Variants in SLC43A3 observed in about 807,000 individuals in gnomAD.
SLC43A3 encodes the protein equilibrative nucleobase transporter 1.
Under a neutral mutation model 53.3 loss-of-function variants are expected in SLC43A3, and 33 were observed. That is an observed-to-expected ratio of 0.62 (90% CI 0.47 to 0.83). The LOEUF (loss-of-function observed/expected upper bound fraction) is 0.83. SLC43A3 is among the 40% of genes least tolerant of loss of function. SLC43A3 has a pLI of 0.00. For synonymous variants in SLC43A3, 236 were observed against 246.2 expected (o/e 0.96, Z 0.39); for missense variants, 530 against 610.0 (o/e 0.87, Z 1.38).
chr11:57,410,026 G>A lies in SLC43A3; in HGVS notation c.1156C>T (p.Pro386Ser), dbSNP rs747698102. 1.9e-6 allele frequency: 3 copies of A among 1,613,262 alleles called. No individual in the cohort carries two copies. The highest frequency in any genetic ancestry group is 1.1e-5 in the South Asian group (1 of 90,604). The change falls in exon 12 of 14, where the codon CCC becomes TCC. Residue 386 changes from proline (P) to serine (S), a missense_variant. Transcript: ENST00000395124. ...CLGFALCASVPILPLQYLTFI... is the reference protein window; with the variant it reads ...CLGFALCASVSILPLQYLTFI... ...GTGAGGTACTGGAGAGGGAGGATGG[G>A]GACTGAGGCACAGAGGGCGAAGCCC...
In SLC43A3 at chr11:57,426,358, G is replaced by GA. The variant is rs1428278220; in HGVS notation, c.-180-7dup. The GA allele has an allele frequency of 1.7e-6, 1 of 600,012 alleles. No homozygotes were observed. The highest frequency in any genetic ancestry group is 2.9e-6 in the Non-Finnish European group (1 of 340,646). The allele number at this position is 600,012 out of a possible 1,614,324, so 37.2% of individuals were successfully genotyped here. On this transcript the variant is annotated splice_polypyrimidine_tract_variant and splice_region_variant and intron_variant, in intron 2 of 13. Coordinates refer to ENST00000395124, the MANE Select transcript of SLC43A3 (RefSeq NM_199329.3). ...AGCGGGTGATTCTCTGGATCCTGTA[G>GA]AATAAAGATAGAGGCTGCTGGAAGA...
intron 11 of SLC43A3, among the ~76,000 whole-genome samples, chr11:57,411,101 A>T (rs1290667532): frequency 6.6e-6 from 1 of 152,174 alleles, no homozygotes; most frequent in African/African-American, 2.4e-5. Flanking sequence ...TTAAAAAAAT[A>T]AAAATGGTTA....
intron 5 of SLC43A3, chr11:57,423,770 C>A (rs1483376060): frequency 5.6e-6 from 3 of 537,672 alleles, no homozygotes; most frequent in African/African-American, 3.8e-5. Flanking sequence ...CTGAAGTAAT[C>A]CCTCTCCATC....
intron 7 of SLC43A3, among the ~76,000 whole-genome samples, chr11:57,418,356 G>C (rs896460450): frequency 2.0e-5 from 3 of 151,870 alleles, no homozygotes; most frequent in African/African-American, 7.3e-5. Flanking sequence ...AAAAAGGAAA[G>C]GAAAGAAATT....
At position 57,407,593 on chromosome 11, in the gene SLC43A3, CTG is replaced by C. The variant is rs1326921981; in HGVS notation, c.*197_*198del. ...AGTTCCACATGCCTTTGCTTTGAGT[CTG>C]TGTGATATCAATCTGCTTGGCAACT... On this transcript the variant is annotated 3_prime_UTR_variant, in exon 14 of 14. Transcript: ENST00000395124. 5.5e-6 allele frequency: 3 copies of C among 542,482 alleles called. No individual in the cohort carries two copies. Among genetic ancestry groups the C allele is most frequent in the African/African-American group, 1.9e-5 (1 of 52,636 alleles). 33.6% of individuals were successfully genotyped at this position (542,482 alleles called of 1,614,324 possible).
rs768446977 is a variant in SLC43A3, at chr11:57,416,640, T to C, written c.702A>G (p.Glu234=). ...GLCPGNGTTK[E]EKETAEHENR... Reference sequence around the variant, plus strand: ...TTTCATGCTCAGCTGTTTCCTTCTCTTCCTTTGTGGTGCCATTCCCAGGGC... The same window carrying C: ...TTTCATGCTCAGCTGTTTCCTTCTCCTCCTTTGTGGTGCCATTCCCAGGGC... Residue 234 remains glutamate, a synonymous_variant, in exon 9 of 14, where the codon GAA becomes GAG. Transcript: ENST00000395124. The C allele has an allele frequency of 1.2e-5, 20 of 1,614,132 alleles. No individual in the cohort carries two copies. Among genetic ancestry groups the C allele is most frequent in the Non-Finnish European group, 1.7e-5 (20 of 1,179,998 alleles).
Position 57,423,974 on chromosome 11 carries a change from G to A in SLC43A3, c.361+8C>T, listed in dbSNP as rs377640071. The A allele has an allele frequency of 2.1e-5, 34 of 1,613,876 alleles. No homozygotes were observed. The African/African-American group carries it at 3.9e-4, about 18-fold the overall frequency. On this transcript the variant is annotated splice_region_variant and intron_variant, in intron 5 of 13. Coordinates refer to ENST00000395124, the MANE Select transcript of SLC43A3 (RefSeq NM_199329.3). Reference sequence around the variant, plus strand: ...TTGCATCCCTCCCACCCACCTGACAGCACTCACCTGCAGAGGTGAAGGCTA... The same window carrying A: ...TTGCATCCCTCCCACCCACCTGACAACACTCACCTGCAGAGGTGAAGGCTA...
intron 7 of SLC43A3, 62 bp from the exon 8 acceptor site, chr11:57,417,949 T>C (rs1942797127): frequency 4.6e-6 from 7 of 1,537,782 alleles, no homozygotes; most frequent in African/African-American, 2.7e-5. Flanking sequence ...CTATTCACAA[T>C]AGCCAAAGGA....
intron 7 of SLC43A3, among the ~76,000 whole-genome samples, chr11:57,419,091 AG>A (rs1942859133): frequency 6.6e-6 from 1 of 152,054 alleles, no homozygotes; most frequent in Non-Finnish European, 1.5e-5. Flanking sequence ...CCGGCAGTAG[AG>A]GAGTCCTCAT....
chr11:57,407,872 T>A lies in SLC43A3; in HGVS notation c.1396A>T (p.Ile466Phe). The A allele has an allele frequency of 6.2e-7, 1 of 1,613,324 alleles. No homozygotes were observed. The highest frequency in any genetic ancestry group is 1.1e-5 in the South Asian group (1 of 91,070). ...AAGGGGTGGAAGAATGTCAGAAGAATGGCAAGCATGAACATCACATTCACC... is the reference window on the plus strand; with the variant it reads ...AAGGGGTGGAAGAATGTCAGAAGAAAGGCAAGCATGAACATCACATTCACC... ...FYVNVMFMLAILLTFFHPFLV... is the reference protein window; with the variant it reads ...FYVNVMFMLAFLLTFFHPFLV... Residue 466 changes from isoleucine (I) to phenylalanine (F), a missense_variant, in exon 14 of 14, where the codon ATT becomes TTT. Physicochemically the swap from Ile to Phe is conservative, Grantham distance 21 (BLOSUM62 0). Transcript: ENST00000395124.
chr11:57,417,258 C>G (rs1942762783), intron 8 of SLC43A3, among the ~76,000 whole-genome samples: 1 of 152,244 alleles, frequency 6.6e-6, no homozygotes. Flanking sequence ...TGAACTGCTT[C>G]AGCCAAAAGA....
At chr11:57,407,921 G>A in intron 13 of SLC43A3, 25 bp from the exon 14 acceptor site, 1 of 1,479,374 alleles carries the variant, frequency 6.8e-7, no homozygotes, top group Non-Finnish European at 9.5e-7. Context: ...GAAGTGAGGT[G>A]AAATCCAGGA....
intron 3 of SLC43A3, 88 bp downstream of exon 3, chr11:57,425,901 G>C: frequency 7.1e-7 from 1 of 1,399,458 alleles, no homozygotes; most frequent in Non-Finnish European, 9.9e-7. Flanking sequence ...TAGAAAGAGG[G>C]GTGGGCAGGG....
chr11:57,425,381 G>C (rs936514500), intron 4 of SLC43A3, among the ~76,000 whole-genome samples, 160 bp downstream of exon 4: 3 of 152,142 alleles, frequency 2.0e-5, no homozygotes, highest in African/African-American at 7.2e-5. Flanking sequence ...AGAGAGTCCC[G>C]CTGCCTGGGG....
At chr11:57,415,611 G>T (rs1019861600) in intron 9 of SLC43A3, among the ~76,000 whole-genome samples, 3 of 151,962 alleles carry the variant, frequency 2.0e-5, no homozygotes, top group Non-Finnish European at 4.4e-5. Context: ...CTCTCTCAAG[G>T]TTAACCAATG....
chr11:57,413,867 T>C (rs1201668718), intron 11 of SLC43A3, among the ~76,000 whole-genome samples: 1 of 152,126 alleles, frequency 6.6e-6, no homozygotes, highest in African/African-American at 2.4e-5. Flanking sequence ...TGGGCCACTC[T>C]CCAAGGCCCC....
intron 7 of SLC43A3, among the ~76,000 whole-genome samples, chr11:57,418,625 C>G (rs1309546012): frequency 1.3e-5 from 2 of 152,132 alleles, no homozygotes; most frequent in African/African-American, 4.8e-5. Context: ...TACATGATTA[C>G]ATGCCTGTAA....
At chr11:57,420,162 C>T (rs973203982) in intron 7 of SLC43A3, among the ~76,000 whole-genome samples, 1 of 152,240 alleles carries the variant, frequency 6.6e-6, no homozygotes, top group African/African-American at 2.4e-5. Flanking sequence ...AGTCCTCCAG[C>T]TTGCTGCCTC....
chr11:57,409,934 C>G lies in SLC43A3; in HGVS notation c.1247+1G>C. ...ACAGAGCCCGCCCCAAGGCCACTTA[C>G]GCAAGGGTGAGGAAGGCCGCGTTGC... On this transcript the variant is annotated splice_donor_variant, in intron 12 of 13. Coordinates refer to ENST00000395124, the MANE Select transcript of SLC43A3 (RefSeq NM_199329.3). LOFTEE classifies it high-confidence loss of function. 1.9e-6 allele frequency: 3 copies of G among 1,607,712 alleles called. No homozygotes were observed. Among genetic ancestry groups the G allele is most frequent in the South Asian group, 1.1e-5 (1 of 89,700 alleles).
Sources: gnomAD v4.1 joint callset for allele counts (sites outside exome capture counted in the v4.1 genomes callset) on GRCh38, gnomAD v4.1.1 for gene constraint, MANE v1.5 for transcripts, NCBI Gene and HGNC (gene_info 2026-07-23, HGNC 2026-07-21) for gene names.